The following TMEM200C variants were observed in gnomAD, a reference collection of about 807,000 sequenced individuals.
TMEM200C encodes transmembrane protein TTMA.
For missense variants in TMEM200C, 966 were observed against 699.9 expected, an observed-to-expected ratio of 1.38 and a Z score of -4.29; for synonymous variants, 462 against 324.7, an observed-to-expected ratio of 1.42 and a Z score of -4.55.
exon 3 of TMEM200C, chr18:5,886,465 G>A (rs373562422): frequency 1.3e-5 from 2 of 152,122 alleles, no homozygotes; most frequent in African/African-American, 4.8e-5. Flanking sequence ...TCTACCAGGA[G>A]GCATTGCAGC....
At chr18:5,890,568 G>A (rs1000565051) in exon 3 of TMEM200C, 4 of 1,371,664 alleles carry the variant, frequency 2.9e-6, no homozygotes, top group South Asian at 1.8e-5. Flanking sequence ...CTTGGCCAGA[G>A]GGCTGGAGTC....
rs1334578405 is a variant in TMEM200C at position 5,891,784 on chromosome 18, T to C, written c.280A>G (p.Ser94Gly). The change falls in exon 3 of 3, where the codon AGC becomes GGC. Residue 94 changes from serine to glycine, a missense_variant. Coordinates refer to ENST00000581347, the Ensembl canonical transcript of TMEM200C. The surrounding 1 kb of genome is among the most constrained non-coding windows in gnomAD (Gnocchi z 4.7). Reference sequence around the variant, plus strand: ...GCCGTGGTTGGGACCCGGTGGCTGCTGCCCGCAGGCGGCAGCTGCTTACCC... The same window carrying C: ...GCCGTGGTTGGGACCCGGTGGCTGCCGCCCGCAGGCGGCAGCTGCTTACCC... 6.8e-6 allele frequency: 11 copies of C among 1,606,626 alleles called. No homozygotes were observed. The highest frequency in any genetic ancestry group is 9.3e-6 in the Non-Finnish European group (11 of 1,177,742).
exon 3 of TMEM200C, chr18:5,889,294 C>A (rs747674730): frequency 6.6e-6 from 1 of 152,164 alleles, no homozygotes; most frequent in African/African-American, 2.4e-5. Flanking sequence ...GCTGGACATG[C>A]GACAATGGTG....
chr18:5,892,084 G>T, exon 3 of TMEM200C: 1 of 1,602,130 alleles, frequency 6.2e-7, no homozygotes. Flanking sequence ...TGGAGTGCAG[G>T]ACTAGCCTCT....
At chr18:5,893,002 C>T (rs2095172728) in intron 2 of TMEM200C, among the ~76,000 whole-genome samples, 1 of 152,192 alleles carries the variant, frequency 6.6e-6, no homozygotes, top group African/African-American at 2.4e-5. Flanking sequence ...TTCTGGCCTT[C>T]TTTCCTCCCT....
In TMEM200C at chr18:5,885,524, A is replaced by C. The variant is rs1473142637; in HGVS notation, c.*4674T>G. The stretch of plus-strand genomic sequence containing the variant: ...TGAAATGCTTCTGGCTCTGGGATGA[A>C]GGCTAAGTCCTTAGGATGGCTGGCA... On this transcript the variant is annotated 3_prime_UTR_variant, in exon 3 of 3. Coordinates refer to ENST00000581347, the Ensembl canonical transcript of TMEM200C. 2.6e-5 allele frequency: 4 copies of C among 152,226 alleles called. No homozygotes were observed. The East Asian group carries it at 5.8e-4, about 22-fold the overall frequency. 9.4% of individuals were successfully genotyped at this position (152,226 alleles called of 1,614,324 possible).
Position 5,890,628 on chromosome 18 carries a change from CGGTAGTCCGGGAGCCCGCTGGTGCT to C in TMEM200C, c.1411_1435del (p.Ser471GlyfsTer76). ...CGGGGGCTCGGGGGACGGCGGCGCC[CGGTAGTCCGGGAGCCCGCTGGTGCT>C]GCGGCGCCGCAAGGCCGCGTACCTG... On this transcript the variant is annotated frameshift_variant, in exon 3 of 3. Coordinates refer to ENST00000581347, the Ensembl canonical transcript of TMEM200C. LOFTEE classifies it low-confidence loss of function (END_TRUNC). The C allele has an allele frequency of 2.2e-6, 2 of 922,560 alleles. No homozygotes were observed. Among genetic ancestry groups the C allele is most frequent in the Non-Finnish European group, 2.9e-6 (2 of 695,926 alleles). The allele number at this position is 922,560 out of a possible 1,614,324, so 57.1% of individuals were successfully genotyped here. A position where few individuals can be genotyped will look rare whatever the true frequency, so the allele number is the denominator to read the frequency against.
At chr18:5,893,152 T>C (rs1332810853) in intron 2 of TMEM200C, among the ~76,000 whole-genome samples, 2 of 152,314 alleles carry the variant, frequency 1.3e-5, no homozygotes, top group East Asian at 3.9e-4. Context: ...CATAATAGCT[T>C]TCTGACCCCT....
Position 5,891,098 on chromosome 18 carries a change from C to T in TMEM200C, c.966G>A (p.Val322=). The T allele has an allele frequency of 1.9e-6, 1 of 522,258 alleles. No homozygotes were observed. Among genetic ancestry groups the T allele is most frequent in the Non-Finnish European group, 3.3e-6 (1 of 305,686 alleles). The allele number at this position is 522,258 out of a possible 1,614,324, so 32.4% of individuals were successfully genotyped here. ...CCGAGCGCTCGCGGTAGACGCTGTA[C>T]ACGGCCTCGGCCAGGCTCGGGGGCT... is the stretch of plus-strand genomic sequence containing the variant. The change falls in exon 3 of 3, where the codon GTG becomes GTA. Residue 322 remains valine (V), a synonymous_variant. Transcript: ENST00000581347. This position sits in a 1 kb window ranked among gnomAD's most constrained non-coding sequence, Gnocchi z 4.7.
chr18:5,893,656 AT>A (rs1246712265), intron 2 of TMEM200C, among the ~76,000 whole-genome samples: 1 of 152,176 alleles, frequency 6.6e-6, no homozygotes, highest in Non-Finnish European at 1.5e-5. Context: ...GGTAGGTAGA[AT>A]TTTGCTTTTA....
chr18:5,890,837 G>T lies in TMEM200C; in HGVS notation c.1227C>A (p.Gly409=), dbSNP rs769994173. Residue 409 remains glycine, a synonymous_variant, in exon 3 of 3, where the codon GGC becomes GGA. Transcript: ENST00000581347. ...GCTCGCCCCTCGGGATCTCCTGGGA[G>T]CCGCGTTCCCCCGGAGGCCTCTGCC... The T allele has an allele frequency of 7.4e-6, 5 of 676,974 alleles. 1 individual carries two copies. The highest frequency in any genetic ancestry group is 6.1e-5 in the South Asian group (4 of 65,088). 41.9% of individuals were successfully genotyped at this position (676,974 alleles called of 1,614,324 possible).
Position 5,891,825 on chromosome 18 carries a change from C to T in TMEM200C, c.239G>A (p.Gly80Glu), listed in dbSNP as rs768106906. Residue 80 changes from glycine to glutamate, a missense_variant, in exon 3 of 3, where the codon GGG (glycine) becomes GAG (glutamate). By Grantham distance (98) the Gly-to-Glu change is moderately conservative. Transcript: ENST00000581347. The surrounding 1 kb of genome is among the most constrained non-coding windows in gnomAD (Gnocchi z 4.7). ...CTGCTTACCCCCCTCCCGATTGGTC[C>T]CGGTGGCCTTGGGCCAGTAGCCCAC... is the stretch of plus-strand genomic sequence containing the variant. 14 of 1,605,718 alleles carry T rather than the reference C, an allele frequency of 8.7e-6. No homozygotes were observed. The South Asian group carries it at 1.4e-4, about 16-fold the overall frequency.
exon 3 of TMEM200C, chr18:5,886,466 G>A (rs1455280783): frequency 6.6e-6 from 1 of 152,106 alleles, no homozygotes. Flanking sequence ...CTACCAGGAG[G>A]CATTGCAGCA....
intron 2 of TMEM200C, among the ~76,000 whole-genome samples, chr18:5,892,481 G>A (rs951856835): frequency 6.6e-6 from 1 of 152,166 alleles, no homozygotes; most frequent in Non-Finnish European, 1.5e-5. Flanking sequence ...GGTTTGAAAT[G>A]AACAATGGAG....
exon 2 of TMEM200C, chr18:5,895,352 C>T (rs12969570): frequency 6.6e-6 from 1 of 151,590 alleles, no homozygotes; most frequent in Non-Finnish European, 1.5e-5. Flanking sequence ...GCGCGGCGCT[C>T]CCGGGCGGGC....
exon 3 of TMEM200C, chr18:5,892,137 C>A: frequency 7.2e-7 from 1 of 1,384,494 alleles, no homozygotes; most frequent in Non-Finnish European, 9.8e-7. Flanking sequence ...TGCCCACTAG[C>A]TGCTCAGCCA....
chr18:5,891,960 C>A lies in TMEM200C; in HGVS notation c.104G>T (p.Arg35Leu). ...TTTCACCACCACCACGTCGTTCTTG[C>A]GCCTCTTCTTGGCTTTCCGCTTGCG... The change falls in exon 3 of 3, where the codon CGC becomes CTC. Residue 35 changes from arginine to leucine, a missense_variant. Physicochemically the swap from Arg to Leu is moderately radical, Grantham distance 102. Coordinates refer to ENST00000581347, the Ensembl canonical transcript of TMEM200C. The surrounding 1 kb of genome is among the most constrained non-coding windows in gnomAD (Gnocchi z 4.7). The A allele has an allele frequency of 6.2e-7, 1 of 1,613,970 alleles. No homozygotes were observed. The highest frequency in any genetic ancestry group is 1.6e-4 in the Middle Eastern group (1 of 6,062).
Position 5,891,699 on chromosome 18 carries a change from C to T in TMEM200C, c.365G>A (p.Gly122Asp), listed in dbSNP as rs368367316. ...CGCGCCCGCGGAACTGGAGTTGACA[C>T]CCCCTGGAGCCCTAGGGTGGCTCCT... The change falls in exon 3 of 3, where the codon GGT (glycine) becomes GAT (aspartate). Residue 122 changes from glycine to aspartate, a missense_variant. Coordinates refer to ENST00000581347, the Ensembl canonical transcript of TMEM200C. The surrounding 1 kb of genome is among the most constrained non-coding windows in gnomAD (Gnocchi z 4.7). 1.9e-6 allele frequency: 3 copies of T among 1,613,382 alleles called. No individual in the cohort carries two copies. Among genetic ancestry groups the T allele is most frequent in the African/African-American group, 1.3e-5 (1 of 74,904 alleles).
chr18:5,888,050 A>G (rs2095166732), exon 3 of TMEM200C: 1 of 152,236 alleles, frequency 6.6e-6, no homozygotes, highest in Admixed American at 6.5e-5. Context: ...TAACATTTAC[A>G]GTGCATTCTC....
Sources: allele counts gnomAD v4.1 joint callset (sites outside exome capture counted in the v4.1 genomes callset), GRCh38; gene constraint gnomAD v4.1.1; non-coding constraint Gnocchi (gnomAD v3.1); transcripts MANE v1.5; gene names NCBI Gene and HGNC (gene_info 2026-07-23, HGNC 2026-07-21).